Variants in SV2C observed in about 807,000 individuals in gnomAD.
SV2C encodes the protein synaptic vesicle glycoprotein 2C, also known as solute carrier family 22 member B3.
Under a neutral mutation model 79.7 loss-of-function variants are expected in SV2C, and 49 were observed. The observed-to-expected ratio is 0.61, with a 90% CI of 0.49 to 0.78. The LOEUF (loss-of-function observed/expected upper bound fraction) is 0.78. SV2C is among the 30% of genes least tolerant of loss of function. The probability of loss-of-function intolerance (pLI) is 0.00; values close to 1 mark genes in which losing one functional copy is unlikely to be tolerated. For synonymous variants in SV2C, 334 were observed against 333.2 expected, an observed-to-expected ratio of 1.00 and a Z score of -0.03; for missense variants, 833 against 912.9, an observed-to-expected ratio of 0.91 and a Z score of 1.13.
At chr5:76,060,669 TG>T in the SV2C span, among the ~76,000 whole-genome samples, 1 of 152,108 alleles carries the variant, frequency 6.6e-6, no homozygotes, top group Non-Finnish European at 1.5e-5. Flanking sequence ...AATCTTGCTC[TG>T]TATCAGCAAT....
chr5:75,901,808 C>G, the SV2C span, among the ~76,000 whole-genome samples: 1 of 152,260 alleles, frequency 6.6e-6, no homozygotes, highest in Non-Finnish European at 1.5e-5. Flanking sequence ...GCCCCTCCCC[C>G]AGCCTTGCTG....
At chr5:76,258,501 A>C (rs1203918574) in intron 4 of SV2C, among the ~76,000 whole-genome samples, 1 of 152,162 alleles carries the variant, frequency 6.6e-6, no homozygotes, top group African/African-American at 2.4e-5. Flanking sequence ...CAGCAAGAAG[A>C]ATGTTCAGAT....
At chr5:76,237,989 C>CACACATACAT (rs371688116) in intron 4 of SV2C, among the ~76,000 whole-genome samples, 5 of 149,934 alleles carry the variant, frequency 3.3e-5, no homozygotes, top group Non-Finnish European at 7.4e-5. Context: ...CACACACACA[C>CACACATACAT]ACATACATAC....
intron 1 of SV2C, among the ~76,000 whole-genome samples, chr5:76,118,213 T>C (rs955242444): frequency 6.6e-6 from 1 of 152,238 alleles, no homozygotes; most frequent in Non-Finnish European, 1.5e-5. Flanking sequence ...CCTCAGCCTG[T>C]GGCTGTGTAA....
chr5:76,171,595 T>G (rs1439628932), intron 2 of SV2C, among the ~76,000 whole-genome samples: 6 of 139,580 alleles, frequency 4.3e-5, no homozygotes, highest in Non-Finnish European at 6.4e-5. Flanking sequence ...AGCCACCCCG[T>G]CCAGGAGAGA....
chr5:76,116,473 CT>C (rs1267664770), intron 1 of SV2C, among the ~76,000 whole-genome samples: 1 of 152,160 alleles, frequency 6.6e-6, no homozygotes. Context: ...CCCCCTCTGC[CT>C]TCTGCTCTTC....
chr5:76,185,720 T>C (rs1743894458), intron 2 of SV2C, among the ~76,000 whole-genome samples: 1 of 152,188 alleles, frequency 6.6e-6, no homozygotes, highest in African/African-American at 2.4e-5. Flanking sequence ...AATTTTTCCC[T>C]CCTAGGCCTC....
the SV2C span, among the ~76,000 whole-genome samples, chr5:75,879,822 C>G: frequency 6.6e-6 from 1 of 152,224 alleles, no homozygotes; most frequent in African/African-American, 2.4e-5. Flanking sequence ...AGTAGAGTTT[C>G]TCTGTTAAGG....
the SV2C span, chr5:75,910,680 AG>A: frequency 1.6e-6 from 2 of 1,230,484 alleles, no homozygotes; most frequent in African/African-American, 3.0e-5. Context: ...GACGAGGCCA[AG>A]ACTGCCAAGG....
intron 1 of SV2C, among the ~76,000 whole-genome samples, chr5:76,093,511 A>G (rs1747446827): frequency 6.6e-6 from 1 of 152,228 alleles, no homozygotes; most frequent in Non-Finnish European, 1.5e-5. Flanking sequence ...GCCCCTCATG[A>G]GCAATTCTAT....
At position 76,328,740 on chromosome 5, in the gene SV2C, C is replaced by A. The variant is rs1391895753; in HGVS notation, c.*3193C>A. The A allele has an allele frequency of 6.6e-6, 1 of 152,062 alleles. No individual in the cohort carries two copies. The highest frequency in any genetic ancestry group is 1.9e-4 in the East Asian group (1 of 5,190). The allele number at this position is 152,062 out of a possible 1,614,324, so 9.4% of individuals were successfully genotyped here. ...TAGAAGACAGTAATGAAAATAGCTT[C>A]ATCTTATCTGCCTTCTTATGCTAAA... On this transcript the variant is annotated 3_prime_UTR_variant, in exon 13 of 13. Transcript: ENST00000502798.
At chr5:76,182,948 AG>A (rs570228272) in intron 2 of SV2C, among the ~76,000 whole-genome samples, 258 of 78,588 alleles carry the variant, frequency 3.3e-3, no homozygotes, top group African/African-American at 0.02. Flanking sequence ...TGTGAGAGAG[AG>A]AGAGAGAGAC....
intron 2 of SV2C, among the ~76,000 whole-genome samples, chr5:76,168,521 T>C (rs1400888201): frequency 1.3e-5 from 2 of 152,140 alleles, no homozygotes; most frequent in African/African-American, 2.4e-5. Flanking sequence ...CTTTTGGAGA[T>C]GATGTCGTGA....
intron 4 of SV2C, among the ~76,000 whole-genome samples, chr5:76,280,421 C>G (rs1438037435): frequency 1.3e-5 from 2 of 152,196 alleles, no homozygotes; most frequent in Non-Finnish European, 2.9e-5. Context: ...CATCAGTTAG[C>G]TCTCTTCTGG....
chr5:75,898,736 C>G, the SV2C span, among the ~76,000 whole-genome samples: 1 of 152,270 alleles, frequency 6.6e-6, no homozygotes, highest in Non-Finnish European at 1.5e-5. Flanking sequence ...ATTATTGCCA[C>G]AATTTCAGAT....
At chr5:76,308,381 T>C (rs1430025397) in intron 12 of SV2C, among the ~76,000 whole-genome samples, 2 of 152,182 alleles carry the variant, frequency 1.3e-5, no homozygotes, top group African/African-American at 4.8e-5. Flanking sequence ...AAGTCCCAGC[T>C]CCTTACTTAC....
intron 12 of SV2C, among the ~76,000 whole-genome samples, chr5:76,316,456 T>C (rs1748622162): frequency 6.6e-6 from 1 of 152,178 alleles, no homozygotes; most frequent in African/African-American, 2.4e-5. Context: ...TCACTAAGGT[T>C]TGAAAGCTCC....
intron 4 of SV2C, among the ~76,000 whole-genome samples, chr5:76,271,339 T>G (rs1746846321): frequency 6.6e-6 from 1 of 152,184 alleles, no homozygotes; most frequent in Non-Finnish European, 1.5e-5. Flanking sequence ...TGTTCCATTT[T>G]CAGTAACGTG....
intron 12 of SV2C, among the ~76,000 whole-genome samples, chr5:76,344,077 A>G (rs1749492715): frequency 6.6e-6 from 1 of 152,150 alleles, no homozygotes; most frequent in African/African-American, 2.4e-5. Flanking sequence ...CTCACCCATT[A>G]TCATCCAACC....
Sources: gnomAD v4.1 joint callset for allele counts (sites outside exome capture counted in the v4.1 genomes callset) on GRCh38, gnomAD v4.1.1 for gene constraint, MANE v1.5 for transcripts, NCBI Gene and HGNC (gene_info 2026-07-23, HGNC 2026-07-21) for gene names.